The following SGMS1 variants were observed in gnomAD, a reference collection of about 807,000 sequenced individuals.
SGMS1 encodes the protein sphingomyelin synthase 1, also known as phosphatidylcholine:ceramide cholinephosphotransferase 1.
A neutral mutation model predicts 46.2 loss-of-function variants in SGMS1; 13 were observed. That is an observed-to-expected ratio of 0.28 (90% CI 0.18 to 0.45). The LOEUF (loss-of-function observed/expected upper bound fraction) is 0.45. SGMS1 is among the 20% of genes least tolerant of loss of function. SGMS1 has a pLI of 1.00. For missense variants in SGMS1, 324 were observed against 519.9 expected (o/e 0.62, Z 3.66); for synonymous variants, 203 against 187.8 (o/e 1.08, Z -0.66).
intron 1 of SGMS1, among the ~76,000 whole-genome samples, chr10:50,609,483 C>G (rs1435487359): frequency 6.7e-6 from 1 of 149,888 alleles, no homozygotes; most frequent in East Asian, 2.0e-4. Flanking sequence ...CACAGGGTAC[C>G]TGGCCCATAG....
chr10:50,565,808 T>C (rs1838283286), intron 2 of SGMS1, among the ~76,000 whole-genome samples: 1 of 152,180 alleles, frequency 6.6e-6, no homozygotes, highest in Non-Finnish European at 1.5e-5. Context: ...GAGAAGGCCA[T>C]CACTTCCTCC....
At chr10:50,413,727 T>C (rs535604009) in intron 6 of SGMS1, among the ~76,000 whole-genome samples, 5 of 152,334 alleles carry the variant, frequency 3.3e-5, no homozygotes, top group African/African-American at 7.2e-5. Flanking sequence ...CAGAGAACCA[T>C]TGAGTTAAGC....
chr10:50,623,125 AG>A (rs370481641), intron 1 of SGMS1, among the ~76,000 whole-genome samples: 3 of 149,616 alleles, frequency 2.0e-5, no homozygotes, highest in African/African-American at 5.0e-5. Context: ...CTCCTCGGGG[AG>A]GGGGGGTCCC....
chr10:50,427,414 G>T (rs1036027688), intron 6 of SGMS1, among the ~76,000 whole-genome samples: 4 of 152,130 alleles, frequency 2.6e-5, no homozygotes, highest in African/African-American at 7.2e-5. Context: ...CAACCAAAAA[G>T]AACTTACAAT....
At chr10:50,534,339 T>C in intron 2 of SGMS1, among the ~76,000 whole-genome samples, 1 of 152,196 alleles carries the variant, frequency 6.6e-6, no homozygotes. Flanking sequence ...ATGTAACAAA[T>C]AGACATTGTG....
intron 2 of SGMS1, among the ~76,000 whole-genome samples, chr10:50,527,860 A>C (rs1372280343): frequency 6.6e-6 from 1 of 152,200 alleles, no homozygotes; most frequent in Non-Finnish European, 1.5e-5. Context: ...CTTAGAAGTC[A>C]GACATGCCTG....
chr10:50,585,890 T>C (rs1212529285), intron 2 of SGMS1, among the ~76,000 whole-genome samples: 1 of 152,248 alleles, frequency 6.6e-6, no homozygotes, highest in African/African-American at 2.4e-5. Flanking sequence ...TTTAATGGGC[T>C]CAGATTACTA....
chr10:50,510,693 C>T (rs1225868220), intron 3 of SGMS1, among the ~76,000 whole-genome samples: 1 of 151,872 alleles, frequency 6.6e-6, no homozygotes, highest in African/African-American at 2.4e-5. Flanking sequence ...GTGTATCCTT[C>T]ACCCAGCTTC....
chr10:50,533,491 A>G (rs1837973545), intron 2 of SGMS1, among the ~76,000 whole-genome samples: 1 of 152,202 alleles, frequency 6.6e-6, no homozygotes, highest in South Asian at 2.1e-4. Flanking sequence ...ATCAGTGAAC[A>G]AATGTTTGGT....
rs188502702 is a variant in SGMS1 at position 50,455,516 on chromosome 10, C to T, written c.-313+5157G>A. On this transcript the variant is annotated intron_variant, in intron 5 of 10. Coordinates refer to ENST00000361781, the MANE Select transcript of SGMS1 (RefSeq NM_147156.4). The stretch of plus-strand genomic sequence containing the variant: ...ATTCTGGGCACCAATTGTAAATTAG[C>T]CATTGCAAACTCTTTAGTTAGTTCC... 9.4e-4 allele frequency among the ~76,000 whole-genome samples: 143 copies of T among 152,238 alleles called. 1 individual carries two copies. Among genetic ancestry groups the T allele is most frequent in the African/African-American group, 3.4e-3 (140 of 41,534 alleles).
chr10:50,491,679 C>T (rs1837569451), intron 3 of SGMS1, among the ~76,000 whole-genome samples: 1 of 152,058 alleles, frequency 6.6e-6, no homozygotes, highest in Non-Finnish European at 1.5e-5. Flanking sequence ...TAACAAATAC[C>T]CTACCAACCA....
intron 2 of SGMS1, among the ~76,000 whole-genome samples, chr10:50,531,920 T>C (rs1213690335): frequency 6.6e-6 from 1 of 152,220 alleles, no homozygotes; most frequent in Non-Finnish European, 1.5e-5. Context: ...GTAACCAGCA[T>C]GCAAGTGGTC....
At chr10:50,573,477 C>G (rs951978441) in intron 2 of SGMS1, among the ~76,000 whole-genome samples, 4 of 152,136 alleles carry the variant, frequency 2.6e-5, no homozygotes, top group Non-Finnish European at 5.9e-5. Context: ...ATAAACCTAA[C>G]CTGGGAGGTA....
intron 5 of SGMS1, among the ~76,000 whole-genome samples, chr10:50,449,177 A>G (rs933341516): frequency 6.6e-6 from 1 of 152,230 alleles, no homozygotes; most frequent in African/African-American, 2.4e-5. Flanking sequence ...CTGGAAAACC[A>G]GGTAATAATT....
chr10:50,510,902 C>A (rs1837747979), intron 3 of SGMS1, among the ~76,000 whole-genome samples: 1 of 152,118 alleles, frequency 6.6e-6, no homozygotes, highest in African/African-American at 2.4e-5. Context: ...ACAATTTCCA[C>A]AATCGGGATA....
chr10:50,329,419 T>C (rs1847581628), intron 7 of SGMS1, among the ~76,000 whole-genome samples: 1 of 152,190 alleles, frequency 6.6e-6, no homozygotes, highest in Non-Finnish European at 1.5e-5. Flanking sequence ...ATGTTAACAA[T>C]AAGGTGACAA....
intron 2 of SGMS1, among the ~76,000 whole-genome samples, chr10:50,533,083 A>C (rs948331256): frequency 1.3e-5 from 2 of 152,212 alleles, no homozygotes; most frequent in Non-Finnish European, 1.5e-5. Flanking sequence ...AAAAATGCTG[A>C]GCTAATGTAG....
chr10:50,382,523 C>G (rs2133479023), intron 6 of SGMS1, among the ~76,000 whole-genome samples: 2 of 150,136 alleles, frequency 1.3e-5, no homozygotes, highest in South Asian at 4.2e-4. Flanking sequence ...AAAGACTTTT[C>G]AAAGGTGGAG....
At chr10:50,478,196 C>T (rs1837444990) in intron 3 of SGMS1, among the ~76,000 whole-genome samples, 1 of 152,154 alleles carries the variant, frequency 6.6e-6, no homozygotes, top group Non-Finnish European at 1.5e-5. Context: ...GAAGATGGTA[C>T]ATGTGTGTAA....
Sources: gnomAD v4.1 joint callset for allele counts (sites outside exome capture counted in the v4.1 genomes callset) on GRCh38, gnomAD v4.1.1 for gene constraint, MANE v1.5 for transcripts, NCBI Gene and HGNC (gene_info 2026-07-23, HGNC 2026-07-21) for gene names.